NEB: variants seen among roughly 807,000 people sequenced by gnomAD.
NEB encodes the protein nemaline myopathy type 2.
Under a neutral mutation model 952.2 loss-of-function variants are expected in NEB, and 512 were observed. The observed-to-expected ratio is 0.54, with a 90% CI of 0.50 to 0.58. NEB has a LOEUF of 0.58. Among genes scored for constraint, NEB ranks in the 20% least tolerant of loss-of-function variants. The pLI is 0.00. For missense variants in NEB, 8,428 were observed against 9,231.1 expected (o/e 0.91, Z 3.56); for synonymous variants, 2,900 against 3,149.8 (o/e 0.92, Z 2.66).
chr2:151,542,742 G>A (rs904497455), intron 135 of NEB, among the ~76,000 whole-genome samples: 3 of 152,108 alleles, frequency 2.0e-5, no homozygotes, highest in Admixed American at 6.5e-5. Flanking sequence ...CACCCCACGT[G>A]AGTCACCCAT....
chr2:151,655,955 T>A lies in NEB; in HGVS notation c.6564A>T (p.Glu2188Asp). 1 of 1,613,786 alleles carries A rather than the reference T, an allele frequency of 6.2e-7. No homozygotes were observed. The highest frequency in any genetic ancestry group is 8.5e-7 in the Non-Finnish European group (1 of 1,179,788). Reference sequence around the variant, plus strand: ...CAGTTGCTTTCTTGGCCTTCTCCACTTCCAGAGAACCTGCTGGACTCCAGC... The same window carrying A: ...CAGTTGCTTTCTTGGCCTTCTCCACATCCAGAGAACCTGCTGGACTCCAGC... ...GLGWSPAGSL[E>D]VEKAKKATEY... The change falls in exon 50 of 182, where the codon GAA becomes GAT. Residue 2188 changes from glutamate to aspartate, a missense_variant. By Grantham distance (45) the Glu-to-Asp change is conservative. Transcript: ENST00000397345.
At position 151,666,136 on chromosome 2, in the gene NEB, G is replaced by C; in HGVS notation, c.4985C>G (p.Ala1662Gly). The C allele has an allele frequency of 6.2e-7, 1 of 1,613,770 alleles. No individual in the cohort carries two copies. ...SYHHYTLLPD[A>G]LNVEHSRNAM... The stretch of plus-strand genomic sequence containing the variant: ...ATTCCTGGAGTGCTCCACATTCAAG[G>C]CATCGGGCAGGAGAGTGTAGTGGTG... Residue 1662 changes from alanine (A) to glycine (G), a missense_variant, in exon 41 of 182, where the codon GCC becomes GGC. Ala to Gly is a moderately conservative substitution (Grantham distance 60). Around this residue, in one of 11 missense-constraint regions of NEB, gnomAD observed 2,851 missense variants for 2,791.5 expected, o/e 1.02. Coordinates refer to ENST00000397345, the MANE Select transcript of NEB (RefSeq NM_001164508.2).
In NEB at chr2:151,499,409, C is replaced by A. The variant is rs1489710120; in HGVS notation, c.24022-19G>T. The A allele has an allele frequency of 6.9e-7, 1 of 1,439,084 alleles. No homozygotes were observed. Among genetic ancestry groups the A allele is most frequent in the East Asian group, 2.5e-5 (1 of 40,162 alleles). 89.1% of individuals were successfully genotyped at this position (1,439,084 alleles called of 1,614,324 possible). A position where few individuals can be genotyped will look rare whatever the true frequency, so the allele number is the denominator to read the frequency against. ...ACAACACCTGTATGACACAAGAAAG[C>A]ATCCAGAAAAAACAAGAGCAGTCAA... On this transcript the variant is annotated intron_variant, in intron 168 of 181. Transcript: ENST00000397345.
At chr2:151,673,672 G>T (rs1398696093) in intron 36 of NEB, among the ~76,000 whole-genome samples, 1 of 151,136 alleles carries the variant, frequency 6.6e-6, no homozygotes, top group African/African-American at 2.4e-5. Flanking sequence ...TTATTCCCTG[G>T]GATAGCATGT....
At chr2:151,489,177 A>G (rs1174493205) in intron 181 of NEB, among the ~76,000 whole-genome samples, 1 of 152,158 alleles carries the variant, frequency 6.6e-6, no homozygotes, top group Admixed American at 6.5e-5. Flanking sequence ...ACCTTCTTGT[A>G]TGTCATTTAA....
At chr2:151,704,522 C>G (rs1285426979) in intron 13 of NEB, among the ~76,000 whole-genome samples, 2 of 149,252 alleles carry the variant, frequency 1.3e-5, no homozygotes, top group African/African-American at 5.1e-5. Flanking sequence ...ACTCCGTGGG[C>G]GTAGGACCCT....
chr2:151,691,068 C>T lies in NEB; in HGVS notation c.2212-243G>A, dbSNP rs189173573. Reference sequence around the variant, plus strand: ...CAGCAACCAGATTAACCTTACCCTGCTGAAGCCTTACACAGTGACTCTTTA... The same window carrying T: ...CAGCAACCAGATTAACCTTACCCTGTTGAAGCCTTACACAGTGACTCTTTA... On this transcript the variant is annotated intron_variant, in intron 23 of 181. Coordinates refer to ENST00000397345, the MANE Select transcript of NEB (RefSeq NM_001164508.2). Among the ~76,000 whole-genome samples the T allele has an allele frequency of 3.9e-5, 6 of 152,270 alleles. No homozygotes were observed. The East Asian group carries it at 1.2e-3, about 29-fold the overall frequency.
intron 146 of NEB, among the ~76,000 whole-genome samples, chr2:151,528,350 A>T (rs1202964808): frequency 6.6e-6 from 1 of 152,214 alleles, no homozygotes; most frequent in Non-Finnish European, 1.5e-5. Flanking sequence ...TACAATGCAC[A>T]TGCTTTTATG....
At position 151,694,344 on chromosome 2, in the gene NEB, C is replaced by A. The variant is rs745843859; in HGVS notation, c.1875G>T (p.Lys625Asn). The A allele has an allele frequency of 3.7e-6, 6 of 1,613,878 alleles. No individual in the cohort carries two copies. In the South Asian group the frequency reaches 5.5e-5, roughly 15 times the overall value. Residue 625 changes from lysine to asparagine, a missense_variant, in exon 20 of 182, where the codon AAG becomes AAT. Lys to Asn is a moderately conservative substitution (Grantham distance 94). Around this residue, in one of 11 missense-constraint regions of NEB, gnomAD observed 2,851 missense variants for 2,791.5 expected, o/e 1.02. Transcript: ENST00000397345. ...TCACATCACTCTGGTTTTTGGCCAC[C>A]TTCAAGGAGTGCAGCATCTTGGGAT... ...NDDPKMLHSLKVAKNQSDRLY... is the reference protein window; with the variant it reads ...NDDPKMLHSLNVAKNQSDRLY...
At chr2:151,527,377 G>A (rs779825731) in intron 147 of NEB, 104 bp downstream of exon 147, 90 of 980,826 alleles carry the variant, frequency 9.2e-5, no homozygotes, top group Non-Finnish European at 1.3e-4. Flanking sequence ...GATCTCAAAC[G>A]AGCAAGGGTT....
Position 151,616,084 on chromosome 2 carries a change from T to G in NEB, c.11207A>C (p.Glu3736Ala). ...SDKLYKLALE[E>A]SKKEGYDLRL... ...CAAGTCATAGCCTTCCTTCTTGGAC[T>G]CTTCCAAAGCAAGTTTATAGAGTTT... Residue 3736 changes from glutamate to alanine, a missense_variant, in exon 76 of 182, where the codon GAG (glutamate) becomes GCG (alanine). Glu to Ala is a moderately radical substitution (Grantham distance 107, BLOSUM62 -1). Around this residue, in one of 11 missense-constraint regions of NEB, gnomAD observed 1,772 missense variants for 1,960.3 expected, o/e 0.90. Coordinates refer to ENST00000397345, the MANE Select transcript of NEB (RefSeq NM_001164508.2). 3 of 1,612,668 alleles carry G rather than the reference T, an allele frequency of 1.9e-6. No individual in the cohort carries two copies. The highest frequency in any genetic ancestry group is 1.7e-6 in the Non-Finnish European group (2 of 1,179,332).
chr2:151,492,816 A>C, intron 176 of NEB: 1 of 202,572 alleles, frequency 4.9e-6, no homozygotes. Context: ...TTGGCTCTAA[A>C]TCTGACATTG....
intron 140 of NEB, among the ~76,000 whole-genome samples, chr2:151,537,613 A>G (rs943110565): frequency 6.6e-6 from 1 of 152,226 alleles, no homozygotes; most frequent in African/African-American, 2.4e-5. Flanking sequence ...GCTATTTCCT[A>G]GATGATATAT....
chr2:151,662,104 A>G (rs1393074496), intron 46 of NEB, 31 bp downstream of exon 46: 2 of 1,566,262 alleles, frequency 1.3e-6, no homozygotes, highest in Non-Finnish European at 1.8e-6. Context: ...TCTCTGATGC[A>G]TATGAAACAC....
intron 168 of NEB, among the ~76,000 whole-genome samples, chr2:151,499,909 A>G (rs1476398548): frequency 6.6e-6 from 1 of 152,218 alleles, no homozygotes; most frequent in Non-Finnish European, 1.5e-5. Context: ...CTTATGCACC[A>G]CTGGGCAATT....
Position 151,531,862 on chromosome 2 carries a change from T to C in NEB, c.21452A>G (p.Asp7151Gly). ...AGTATCCACAATTGAGGTAAATTTGTCCTTTGATTTTTCATAGTTTTTCCT... is the reference window on the plus strand; with the variant it reads ...AGTATCCACAATTGAGGTAAATTTGCCCTTTGATTTTTCATAGTTTTTCCT... ...KYRKNYEKSKDKFTSIVDTPE... is the reference protein window; with the variant it reads ...KYRKNYEKSKGKFTSIVDTPE... Residue 7151 changes from aspartate (D) to glycine (G), a missense_variant, in exon 144 of 182, where the codon GAC (aspartate) becomes GGC (glycine). Asp to Gly is a moderately conservative substitution (Grantham distance 94). This residue lies in a region of NEB where 3,374 missense variants were observed against 3,651.5 expected (regional missense o/e 0.92). Coordinates refer to ENST00000397345, the MANE Select transcript of NEB (RefSeq NM_001164508.2). 1 of 1,610,376 alleles carries C rather than the reference T, an allele frequency of 6.2e-7. No individual in the cohort carries two copies. Among genetic ancestry groups the C allele is most frequent in the Non-Finnish European group, 8.5e-7 (1 of 1,178,402 alleles).
intron 42 of NEB, 36 bp downstream of exon 42, chr2:151,665,297 G>A: frequency 6.3e-7 from 1 of 1,595,160 alleles, no homozygotes; most frequent in Non-Finnish European, 8.6e-7. Flanking sequence ...AACACCATGA[G>A]GGTTCCCTGG....
Position 151,506,163 on chromosome 2 carries a change from T to C in NEB, c.23649+3A>G. ...ATTGCAAGTGCATTCACTGTGTCTT[T>C]ACCGAGCTAATGTGGTCCTGTGTTT... is the stretch of plus-strand genomic sequence containing the variant. On this transcript the variant is annotated splice_donor_region_variant and intron_variant, in intron 164 of 181. Coordinates refer to ENST00000397345, the MANE Select transcript of NEB (RefSeq NM_001164508.2). The C allele has an allele frequency of 6.2e-7, 1 of 1,605,200 alleles. No individual in the cohort carries two copies. The highest frequency in any genetic ancestry group is 1.1e-5 in the South Asian group (1 of 90,880).
intron 107 of NEB, among the ~76,000 whole-genome samples, chr2:151,573,292 T>C (rs1333046810): frequency 6.6e-6 from 1 of 152,260 alleles, no homozygotes; most frequent in African/African-American, 2.4e-5. Flanking sequence ...TAATTTTGAA[T>C]ATTAGTCTTG....
Sources: allele counts gnomAD v4.1 joint callset (sites outside exome capture counted in the v4.1 genomes callset), GRCh38; gene constraint gnomAD v4.1.1; regional missense constraint gnomAD v4.1.1; transcripts MANE v1.5; gene names NCBI Gene and HGNC (gene_info 2026-07-23, HGNC 2026-07-21).